INPP4B: variants seen among roughly 807,000 people sequenced by gnomAD.
INPP4B encodes inositol polyphosphate 4-phosphatase type II.
Under a neutral mutation model 122.5 loss-of-function variants are expected in INPP4B, and 55 were observed. That is an observed-to-expected ratio of 0.45 (90% CI 0.36 to 0.56). The LOEUF (loss-of-function observed/expected upper bound fraction) is 0.56, where lower values mean the gene tolerates loss of function less well. Ranked by LOEUF, INPP4B falls within the 20% of genes least tolerant of loss-of-function variation. The pLI is 0.00. For missense variants in INPP4B, 1,000 were observed against 1,097.7 expected (o/e 0.91, Z 1.26); for synonymous variants, 403 against 388.7 (o/e 1.04, Z -0.43).
chr4:142,317,274 A>G (rs1378708373), intron 7 of INPP4B: 11 of 361,370 alleles, frequency 3.0e-5, no homozygotes, highest in Non-Finnish European at 6.1e-5. Flanking sequence ...AACTACCAAA[A>G]CCGCAGAGGA....
intron 2 of INPP4B, chr4:142,583,559 C>G (rs1188729950): frequency 6.6e-6 from 1 of 152,114 alleles, no homozygotes; most frequent in African/African-American, 2.4e-5. Context: ...CAAGGTTTTC[C>G]GATTTCCAGA....
At chr4:142,567,426 G>A (rs1731859365) in intron 2 of INPP4B, among the ~76,000 whole-genome samples, 1 of 152,066 alleles carries the variant, frequency 6.6e-6, no homozygotes. Flanking sequence ...CCAGTGGGTG[G>A]TGAAAGTTGT....
At chr4:142,122,000 A>G in intron 21 of INPP4B, 128 bp downstream of exon 21, 1 of 649,592 alleles carries the variant, frequency 1.5e-6, no homozygotes, top group South Asian at 2.0e-5. Flanking sequence ...ATTTCTTACC[A>G]AAAAGGAAAA....
At chr4:142,824,272 T>C (rs962037648) in intron 1 of INPP4B, among the ~76,000 whole-genome samples, 2 of 151,448 alleles carry the variant, frequency 1.3e-5, no homozygotes, top group Non-Finnish European at 2.9e-5. Flanking sequence ...CTTTTAACTA[T>C]CTATCTATCT....
chr4:142,495,620 T>C (rs2149798396), intron 2 of INPP4B, among the ~76,000 whole-genome samples: 1 of 152,218 alleles, frequency 6.6e-6, no homozygotes, highest in African/African-American at 2.4e-5. Flanking sequence ...TCCTTAAGCA[T>C]CCTTAAGAAA....
chr4:142,305,772 TAAC>T (rs1430091349), intron 8 of INPP4B: 1 of 1,325,272 alleles, frequency 7.5e-7, no homozygotes, highest in African/African-American at 1.5e-5. Flanking sequence ...GGCTAGAAAA[TAAC>T]AAGAGGTAAA....
At chr4:142,792,327 A>C (rs555610588) in intron 1 of INPP4B, among the ~76,000 whole-genome samples, 1 of 152,084 alleles carries the variant, frequency 6.6e-6, no homozygotes, top group Non-Finnish European at 1.5e-5. Context: ...GAAAATGTAA[A>C]AGAGAAAAAA....
At chr4:142,843,440 T>A (rs1271956584) in intron 1 of INPP4B, among the ~76,000 whole-genome samples, 1 of 151,876 alleles carries the variant, frequency 6.6e-6, no homozygotes, top group Non-Finnish European at 1.5e-5. Flanking sequence ...ACAGGACATG[T>A]TGAAAAACTA....
At chr4:142,147,391 CATGCCTACTTT>C (rs1042033836) in intron 17 of INPP4B, among the ~76,000 whole-genome samples, 1 of 152,182 alleles carries the variant, frequency 6.6e-6, no homozygotes, top group Admixed American at 6.5e-5. Context: ...AGTGCACAGA[CATGCCTACTTT>C]AGCTGAGGAA....
chr4:142,521,954 G>T (rs1193321748), intron 2 of INPP4B, among the ~76,000 whole-genome samples: 1 of 152,054 alleles, frequency 6.6e-6, no homozygotes, highest in African/African-American at 2.4e-5. Context: ...TAAAAGCACA[G>T]AGTGGTGAAT....
chr4:142,152,032 G>A (rs1174740235), intron 17 of INPP4B, among the ~76,000 whole-genome samples: 1 of 144,238 alleles, frequency 6.9e-6, no homozygotes, highest in Non-Finnish European at 1.5e-5. Context: ...AATGTTTCAT[G>A]CTTCTCTCTG....
chr4:142,615,917 A>G (rs1743593053), intron 2 of INPP4B, among the ~76,000 whole-genome samples: 1 of 152,138 alleles, frequency 6.6e-6, no homozygotes, highest in Non-Finnish European at 1.5e-5. Context: ...TAGGAGAAAA[A>G]AAGGCATACA....
intron 9 of INPP4B, among the ~76,000 whole-genome samples, 159 bp from the exon 10 acceptor site, chr4:142,270,933 T>TTGTG (rs58469157): frequency 0.035 from 5,236 of 148,614 alleles, 244 homozygotes; most frequent in African/African-American, 0.11. Context: ...GGGTAGGTGT[T>TTGTG]TGTGTGTGTG....
At chr4:142,840,626 C>A (rs1164257624) in intron 1 of INPP4B, among the ~76,000 whole-genome samples, 1 of 151,968 alleles carries the variant, frequency 6.6e-6, no homozygotes, top group East Asian at 1.9e-4. Context: ...TATTAACTCA[C>A]TATGATGTAA....
intron 3 of INPP4B, among the ~76,000 whole-genome samples, chr4:142,448,885 C>T (rs972660803): frequency 6.6e-6 from 1 of 152,106 alleles, no homozygotes; most frequent in African/African-American, 2.4e-5. Context: ...CTGTATTTTA[C>T]CTGAAAAAAT....
chr4:142,592,210 A>T (rs931446429), intron 2 of INPP4B, among the ~76,000 whole-genome samples: 1 of 152,166 alleles, frequency 6.6e-6, no homozygotes, highest in African/African-American at 2.4e-5. Context: ...TTTCCAAATA[A>T]TTTTTCCCAG....
At chr4:142,566,692 G>T (rs1262094848) in intron 2 of INPP4B, among the ~76,000 whole-genome samples, 1 of 152,092 alleles carries the variant, frequency 6.6e-6, no homozygotes, top group Non-Finnish European at 1.5e-5. Flanking sequence ...CCAGTAAAAG[G>T]CACAATCAGT....
intron 3 of INPP4B, among the ~76,000 whole-genome samples, chr4:142,450,559 G>T (rs936488939): frequency 6.6e-5 from 10 of 152,114 alleles, no homozygotes; most frequent in Non-Finnish European, 1.3e-4. Context: ...TTTCCACAGA[G>T]TTCTATTTTT....
At chr4:142,255,227 C>T (rs924523460) in intron 11 of INPP4B, among the ~76,000 whole-genome samples, 1 of 151,910 alleles carries the variant, frequency 6.6e-6, no homozygotes, top group Non-Finnish European at 1.5e-5. Flanking sequence ...AAAGGAACAA[C>T]CGGTACCAGC....
Sources: allele counts gnomAD v4.1 joint callset (sites outside exome capture counted in the v4.1 genomes callset), GRCh38; gene constraint gnomAD v4.1.1; transcripts MANE v1.5; gene names NCBI Gene and HGNC (gene_info 2026-07-23, HGNC 2026-07-21).